Variants in SLC35F1 observed in about 807,000 individuals in gnomAD.
SLC35F1 encodes the protein solute carrier family 35 member F1.
A neutral mutation model predicts 48.7 loss-of-function variants in SLC35F1; 14 were observed. That is an observed-to-expected ratio of 0.29 (90% CI 0.19 to 0.45). The LOEUF (loss-of-function observed/expected upper bound fraction) is 0.45. Among genes scored for constraint, SLC35F1 ranks in the 20% least tolerant of loss-of-function variants. The probability of loss-of-function intolerance (pLI) is 1.00; values close to 1 mark genes in which losing one functional copy is unlikely to be tolerated. For synonymous variants in SLC35F1, 190 were observed against 202.2 expected (o/e 0.94, Z 0.51); for missense variants, 404 against 500.0 (o/e 0.81, Z 1.83).
At chr6:118,271,970 A>G (rs1775856982) in intron 4 of SLC35F1, among the ~76,000 whole-genome samples, 1 of 152,246 alleles carries the variant, frequency 6.6e-6, no homozygotes, top group South Asian at 2.1e-4. Context: ...AAGACTCTGT[A>G]GTTTTCCCAG....
chr6:117,997,516 G>A (rs1335675938), intron 1 of SLC35F1, among the ~76,000 whole-genome samples: 1 of 152,272 alleles, frequency 6.6e-6, no homozygotes, highest in African/African-American at 2.4e-5. Context: ...GTTAAGGGCA[G>A]CCAGAGAGAA....
At chr6:118,182,559 G>GGAAGGAAGGAAT (rs1172619426) in intron 2 of SLC35F1, among the ~76,000 whole-genome samples, 1 of 149,146 alleles carries the variant, frequency 6.7e-6, no homozygotes, top group Admixed American at 6.7e-5. Flanking sequence ...AAGGAAGGAA[G>GGAAGGAAGGAAT]GAAGAAAAAA....
At chr6:118,207,030 T>G (rs1169130075) in intron 2 of SLC35F1, among the ~76,000 whole-genome samples, 3 of 152,134 alleles carry the variant, frequency 2.0e-5, no homozygotes, top group African/African-American at 7.2e-5. Flanking sequence ...TTCCTTACCC[T>G]TAATAAATCA....
At chr6:118,184,414 C>G (rs1204044896) in intron 2 of SLC35F1, among the ~76,000 whole-genome samples, 1 of 152,212 alleles carries the variant, frequency 6.6e-6, no homozygotes, top group South Asian at 2.1e-4. Flanking sequence ...GAGTAACACA[C>G]TAAGTGAAAC....
rs576117287 is a variant in SLC35F1 at position 118,144,445 on chromosome 6, G to T, written c.174-10000G>T. ...CACACTGGGGCCTGCAGGGGGTCGG[G>T]GGGAGGGAGAGCATCAGGATAAATA... On this transcript the variant is annotated intron_variant, in intron 1 of 7. Transcript: ENST00000360388. Among the ~76,000 whole-genome samples the T allele has an allele frequency of 4.6e-5, 7 of 152,094 alleles. No individual in the cohort carries two copies. In the South Asian group the frequency reaches 1.5e-3, roughly 32 times the overall value.
intron 3 of SLC35F1, among the ~76,000 whole-genome samples, chr6:118,241,438 A>G (rs1016466645): frequency 1.3e-5 from 2 of 152,226 alleles, no homozygotes; most frequent in African/African-American, 4.8e-5. Context: ...ATGTGAATCT[A>G]TAATCATTGT....
chr6:118,263,010 A>G (rs17079932), intron 3 of SLC35F1, among the ~76,000 whole-genome samples: 1,923 of 152,188 alleles, frequency 0.013, 118 homozygotes, highest in Admixed American at 0.11. Context: ...TTCTCCAGCC[A>G]TTGTGTACTG....
chr6:117,950,050 A>G (rs1418701147), intron 1 of SLC35F1, among the ~76,000 whole-genome samples: 1 of 152,004 alleles, frequency 6.6e-6, no homozygotes, highest in Non-Finnish European at 1.5e-5. Flanking sequence ...ACAGCCCTTC[A>G]TTTGGGGCTT....
intron 7 of SLC35F1, among the ~76,000 whole-genome samples, chr6:118,299,041 C>A (rs283065): frequency 0.12 from 17,787 of 151,968 alleles, 1,409 homozygotes; most frequent in African/African-American, 0.22. Flanking sequence ...ATTAGCCGGG[C>A]ATGGTGGCAT....
At chr6:117,938,182 G>T (rs1407552286) in intron 1 of SLC35F1, among the ~76,000 whole-genome samples, 2 of 152,098 alleles carry the variant, frequency 1.3e-5, no homozygotes, top group Non-Finnish European at 2.9e-5. Context: ...GAGATGATTT[G>T]TTGAAATCCC....
intron 2 of SLC35F1, among the ~76,000 whole-genome samples, chr6:118,224,944 T>A (rs4945615): frequency 0.93 from 142,007 of 152,214 alleles, 66,300 homozygotes; most frequent in East Asian, 0.98. Flanking sequence ...CCAGTATTAT[T>A]GAAGAAAAAG....
intron 1 of SLC35F1, among the ~76,000 whole-genome samples, chr6:118,060,255 G>T (rs1434039123): frequency 6.6e-6 from 1 of 152,064 alleles, no homozygotes; most frequent in African/African-American, 2.4e-5. Flanking sequence ...CTTGATTAAT[G>T]ATAATAATTA....
At chr6:118,174,661 C>T (rs1231739981) in intron 2 of SLC35F1, among the ~76,000 whole-genome samples, 1 of 152,016 alleles carries the variant, frequency 6.6e-6, no homozygotes, top group Non-Finnish European at 1.5e-5. Context: ...GAGAATTTTC[C>T]ATATTTGTTG....
chr6:118,066,376 C>G (rs1293697964), intron 1 of SLC35F1, among the ~76,000 whole-genome samples: 1 of 152,132 alleles, frequency 6.6e-6, no homozygotes, highest in Non-Finnish European at 1.5e-5. Flanking sequence ...CAGGTGACCT[C>G]TAGGACCTGA....
intron 1 of SLC35F1, among the ~76,000 whole-genome samples, chr6:118,057,603 T>C (rs528390802): frequency 6.6e-5 from 10 of 152,338 alleles, no homozygotes; most frequent in African/African-American, 2.2e-4. Context: ...TCTTAGTCTT[T>C]GGCCTTGATA....
chr6:118,229,477 A>C (rs1215195619), intron 2 of SLC35F1, among the ~76,000 whole-genome samples: 1 of 152,120 alleles, frequency 6.6e-6, no homozygotes, highest in Non-Finnish European at 1.5e-5. Context: ...CCTGCAAGTG[A>C]GTTTGGATCA....
chr6:118,159,404 AAGTT>A (rs1228094268), intron 2 of SLC35F1, among the ~76,000 whole-genome samples: 1 of 152,148 alleles, frequency 6.6e-6, no homozygotes, highest in African/African-American at 2.4e-5. Context: ...CCACTTTGAG[AAGTT>A]AGTTAGGAAA....
intron 1 of SLC35F1, among the ~76,000 whole-genome samples, chr6:118,042,486 C>T (rs967218386): frequency 2.0e-5 from 3 of 152,172 alleles, no homozygotes; most frequent in Non-Finnish European, 2.9e-5. Flanking sequence ...GACATCAAGA[C>T]ATGAGTGTGC....
chr6:118,122,001 A>C (rs1169353471), intron 1 of SLC35F1, among the ~76,000 whole-genome samples: 1 of 152,090 alleles, frequency 6.6e-6, no homozygotes, highest in Non-Finnish European at 1.5e-5. Context: ...CCCCATTTCA[A>C]AGTTATATAT....
Sources: allele counts gnomAD v4.1 joint callset (sites outside exome capture counted in the v4.1 genomes callset), GRCh38; gene constraint gnomAD v4.1.1; transcripts MANE v1.5; gene names NCBI Gene and HGNC (gene_info 2026-07-23, HGNC 2026-07-21).